UROC1: variants seen among roughly 807,000 people sequenced by gnomAD.
UROC1 encodes urocanate hydratase.
UROC1 carries 79 observed loss-of-function variants against 89.5 expected under a neutral mutation model. That is an observed-to-expected ratio of 0.88 (90% CI 0.74 to 1.06). The LOEUF is 1.06. UROC1 is among the 50% of genes least tolerant of loss of function. The pLI is 0.00. For synonymous variants in UROC1, 361 were observed against 354.8 expected (o/e 1.02, Z -0.20); for missense variants, 885 against 907.8 (o/e 0.97, Z 0.32).
chr3:126,507,954 G>T lies in UROC1; in HGVS notation c.540+13C>A. ...GCCCTGGGCAGGTGCTGTGCCACCT[G>T]CTGGGGACCCACCATCCCATTGGTG... On this transcript the variant is annotated intron_variant, in intron 5 of 19. Coordinates refer to ENST00000290868, the MANE Select transcript of UROC1 (RefSeq NM_144639.3). The T allele has an allele frequency of 6.2e-7, 1 of 1,613,772 alleles. No individual in the cohort carries two copies. The highest frequency in any genetic ancestry group is 8.5e-7 in the Non-Finnish European group (1 of 1,180,010).
intron 1 of UROC1, among the ~76,000 whole-genome samples, chr3:126,511,731 AACTTGT>A (rs1468341110): frequency 6.6e-6 from 1 of 152,248 alleles, no homozygotes; most frequent in African/African-American, 2.4e-5. Flanking sequence ...ATGAAGCACA[AACTTGT>A]GCCCTAAGCA....
At chr3:126,497,378 G>C (rs1459865392) in intron 14 of UROC1, among the ~76,000 whole-genome samples, 2 of 152,182 alleles carry the variant, frequency 1.3e-5, no homozygotes, top group East Asian at 3.9e-4. Context: ...CGAGAACAAA[G>C]GTTGGTTAAA....
intron 14 of UROC1, among the ~76,000 whole-genome samples, chr3:126,497,138 G>A (rs755690332): frequency 5.3e-5 from 8 of 152,262 alleles, no homozygotes; most frequent in Middle Eastern, 3.4e-3. Context: ...CCTCTGCCTG[G>A]CTCTCCTACT....
At position 126,500,095 on chromosome 3, in the gene UROC1, T is replaced by A. The variant is rs780554161; in HGVS notation, c.1205A>T (p.Asp402Val). ...CTCCAAGAGGAAGGCATTGCCGTAG[T>A]CCCAGAAGAAGAACTTCTCCTCGGC... ...RLAEEKFFFW[D>V]YGNAFLLEAQ... Residue 402 changes from aspartate to valine, a missense_variant, in exon 12 of 20, where the codon GAC (aspartate) becomes GTC (valine). Coordinates refer to ENST00000290868, the MANE Select transcript of UROC1 (RefSeq NM_144639.3). 2 of 1,613,930 alleles carry A rather than the reference T, an allele frequency of 1.2e-6. No individual in the cohort carries two copies. Among genetic ancestry groups the A allele is most frequent in the South Asian group, 2.2e-5 (2 of 91,086 alleles).
At chr3:126,517,559 G>T in intron 1 of UROC1, 35 bp downstream of exon 1, 1 of 1,612,288 alleles carries the variant, frequency 6.2e-7, no homozygotes, top group Non-Finnish European at 8.5e-7. Context: ...GATGCCTAGA[G>T]GCCAAGGCCT....
intron 15 of UROC1, 47 bp from the exon 16 acceptor site, chr3:126,492,563 TA>T: frequency 6.7e-7 from 1 of 1,491,252 alleles, no homozygotes. Context: ...TAGGCAGCAA[TA>T]ACAGGACCTG....
chr3:126,492,509 C>A lies in UROC1; in HGVS notation c.1517G>T (p.Gly506Val). Residue 506 changes from glycine (G) to valine (V), a missense_variant, in exon 16 of 20, where the codon GGC (glycine) becomes GTC (valine). Physicochemically the swap from Gly to Val is moderately radical, Grantham distance 109. Transcript: ENST00000290868. Reference sequence around the variant, plus strand: ...TGAGTACAGGATCCTTGCCTGGGAGCCCACCACCTGAGGAGAGAAGGGCAA... The same window carrying A: ...TGAGTACAGGATCCTTGCCTGGGAGACCACCACCTGAGGAGAGAAGGGCAA... ...REAARHRLVV[G>V]SQARILYSDQ... The A allele has an allele frequency of 6.2e-7, 1 of 1,611,884 alleles. No homozygotes were observed. Among genetic ancestry groups the A allele is most frequent in the Non-Finnish European group, 8.5e-7 (1 of 1,179,830 alleles).
At chr3:126,496,169 CA>C in intron 14 of UROC1, 61 bp from the exon 15 acceptor site, 1 of 1,545,758 alleles carries the variant, frequency 6.5e-7, no homozygotes, top group Non-Finnish European at 8.8e-7. Flanking sequence ...TGCCCTCAGG[CA>C]GGCTGCTCAG....
chr3:126,501,010 C>T, intron 10 of UROC1, 136 bp from the exon 11 acceptor site: 10 of 1,375,500 alleles, frequency 7.3e-6, no homozygotes, highest in Non-Finnish European at 1.0e-5. Flanking sequence ...ACCCTGCTTT[C>T]CCCCTGGAAA....
At chr3:126,493,890 G>T (rs966094502) in intron 15 of UROC1, among the ~76,000 whole-genome samples, 1 of 152,324 alleles carries the variant, frequency 6.6e-6, no homozygotes, top group East Asian at 1.9e-4. Flanking sequence ...CCGGTAAAAG[G>T]CAGCAGGGCC....
At position 126,482,430 on chromosome 3, in the gene UROC1, G is replaced by T; in HGVS notation, c.1946C>A (p.Thr649Asn). Reference sequence around the variant, plus strand: ...CACCAAGGTGCTGTTCTCCTGCATGGTCTGGCAGATGATCTCATAGGCCTT... The same window carrying T: ...CACCAAGGTGCTGTTCTCCTGCATGTTCTGGCAGATGATCTCATAGGCCTT... ...NQKAYEIICQTMQENSTLVVT... is the reference protein window; with the variant it reads ...NQKAYEIICQNMQENSTLVVT... The change falls in exon 20 of 20, where the codon ACC becomes AAC. Residue 649 changes from threonine to asparagine, a missense_variant. By Grantham distance (65) the Thr-to-Asn change is moderately conservative. Coordinates refer to ENST00000290868, the MANE Select transcript of UROC1 (RefSeq NM_144639.3). The T allele has an allele frequency of 6.2e-7, 1 of 1,614,054 alleles. No homozygotes were observed. Among genetic ancestry groups the T allele is most frequent in the Non-Finnish European group, 8.5e-7 (1 of 1,180,010 alleles).
In UROC1 at chr3:126,508,059, C is replaced by T; in HGVS notation, c.448G>A (p.Glu150Lys). The change falls in exon 5 of 20, where the codon GAG (glutamate) becomes AAG (lysine). Residue 150 changes from glutamate to lysine, a missense_variant. Glu to Lys is a moderately conservative substitution (Grantham distance 56). Coordinates refer to ENST00000290868, the MANE Select transcript of UROC1 (RefSeq NM_144639.3). ...LTMFYLSKMT[E>K]EQTLVMYSGH... is the part of the protein sequence containing the mutation. ...CTGTACATGACCAAAGTCTGCTCCTCTGTCATCTTCGACAAGTAGAACATG... is the reference window on the plus strand; with the variant it reads ...CTGTACATGACCAAAGTCTGCTCCTTTGTCATCTTCGACAAGTAGAACATG... 6.2e-7 allele frequency: 1 copy of T among 1,614,022 alleles called. No individual in the cohort carries two copies. Among genetic ancestry groups the T allele is most frequent in the East Asian group, 2.2e-5 (1 of 44,874 alleles).
chr3:126,500,199 GCCTC>G (rs776749931), intron 11 of UROC1, 45 bp from the exon 12 acceptor site: 36 of 1,598,738 alleles, frequency 2.3e-5, no homozygotes, highest in Non-Finnish European at 3.0e-5. Flanking sequence ...AGGCCCTGGG[GCCTC>G]CCCAATGTGG....
At chr3:126,486,338 C>G (rs1455380206) in intron 18 of UROC1, among the ~76,000 whole-genome samples, 1 of 152,336 alleles carries the variant, frequency 6.6e-6, no homozygotes, top group East Asian at 1.9e-4. Context: ...TCAGAAAAGT[C>G]TTTTCTGAGG....
In UROC1 at chr3:126,500,767, T is replaced by C. The variant is rs779509709; in HGVS notation, c.1073A>G (p.Gln358Arg). The C allele has an allele frequency of 1.2e-6, 2 of 1,614,124 alleles. No individual in the cohort carries two copies. The highest frequency in any genetic ancestry group is 2.2e-5 in the South Asian group (2 of 91,086). ...NPFNGGYYPV[Q>R]LSFTEAQSLM... The stretch of plus-strand genomic sequence containing the variant: ...GCTCTGGGCCTCCGTGAAGCTGAGC[T>C]GCACAGGGTAGTAGCCGCCATTGAA... Residue 358 changes from glutamine (Q) to arginine (R), a missense_variant, in exon 11 of 20, where the codon CAG becomes CGG. Gln to Arg is a conservative substitution (Grantham distance 43). Coordinates refer to ENST00000290868, the MANE Select transcript of UROC1 (RefSeq NM_144639.3).
At chr3:126,483,492 A>T (rs768391739) in intron 18 of UROC1, 24 bp from the exon 19 acceptor site, 1 of 1,606,826 alleles carries the variant, frequency 6.2e-7, no homozygotes, top group Admixed American at 1.7e-5. Flanking sequence ...AGGAGTTTCC[A>T]GTTCATTCCT....
intron 11 of UROC1, among the ~76,000 whole-genome samples, chr3:126,500,442 C>T (rs1045208777): frequency 6.6e-6 from 1 of 152,214 alleles, no homozygotes; most frequent in Non-Finnish European, 1.5e-5. Context: ...AGGTCTCACA[C>T]CCCAGCATCT....
rs1275358661 is a variant in UROC1, at chr3:126,517,668, C to T, written c.52G>A (p.Glu18Lys). ...CSGLPLRPLP[E>K]NRGRQAGVPH... Reference sequence around the variant, plus strand: ...ACCCCAGCCTGGCGTCCCCGGTTCTCTGGGAGGGGCCGCAGGGGCAGGCCA... The same window carrying T: ...ACCCCAGCCTGGCGTCCCCGGTTCTTTGGGAGGGGCCGCAGGGGCAGGCCA... Residue 18 changes from glutamate to lysine, a missense_variant, in exon 1 of 20, where the codon GAG becomes AAG. Physicochemically the swap from Glu to Lys is moderately conservative, Grantham distance 56. Transcript: ENST00000290868. The T allele has an allele frequency of 6.2e-7, 1 of 1,606,750 alleles. No homozygotes were observed. Among genetic ancestry groups the T allele is most frequent in the African/African-American group, 1.3e-5 (1 of 74,904 alleles).
chr3:126,513,198 C>T (rs1324713457), intron 1 of UROC1, among the ~76,000 whole-genome samples: 2 of 151,756 alleles, frequency 1.3e-5, no homozygotes, highest in East Asian at 1.9e-4. Context: ...TCATTCTAAC[C>T]TGGCAGTCAG....
Sources: gnomAD v4.1 joint callset for allele counts (sites outside exome capture counted in the v4.1 genomes callset) on GRCh38, gnomAD v4.1.1 for gene constraint, MANE v1.5 for transcripts, NCBI Gene and HGNC (gene_info 2026-07-23, HGNC 2026-07-21) for gene names.